The following ARFGEF1 variants were observed in gnomAD, a reference collection of about 807,000 sequenced individuals.
The protein encoded by ARFGEF1 is brefeldin A-inhibited guanine nucleotide-exchange protein 1.
In ARFGEF1, 42 loss-of-function variants were observed where a neutral mutation model predicts 231.0. That is an observed-to-expected ratio of 0.18 (90% CI 0.14 to 0.24). The LOEUF (loss-of-function observed/expected upper bound fraction) is 0.24. ARFGEF1 is among the 10% of genes least tolerant of loss of function. The probability of loss-of-function intolerance (pLI) is 1.00; values close to 1 mark genes in which losing one functional copy is unlikely to be tolerated. For synonymous variants in ARFGEF1, 710 were observed against 732.3 expected (o/e 0.97, Z 0.49); for missense variants, 1,345 against 2,192.0 (o/e 0.61, Z 7.72).
At chr8:67,262,135 G>A (rs1457976998) in intron 14 of ARFGEF1, among the ~76,000 whole-genome samples, 2 of 152,134 alleles carry the variant, frequency 1.3e-5, no homozygotes, top group Non-Finnish European at 2.9e-5. Flanking sequence ...TTCTGGAAAG[G>A]ATTCACTGTT....
In ARFGEF1 at chr8:67,343,233, T is replaced by C; in HGVS notation, c.55A>G (p.Ile19Val). The change falls in exon 1 of 39, where the codon ATA becomes GTA. Residue 19 changes from isoleucine (I) to valine (V), a missense_variant. Around this residue, in one of 14 missense-constraint regions of ARFGEF1, gnomAD observed 398 missense variants for 463.2 expected, o/e 0.86. Coordinates refer to ENST00000262215, the MANE Select transcript of ARFGEF1 (RefSeq NM_006421.5). ...NMFLTRALEK[I>V]LADKEVKKAH... ...TTCTTCACTTCCTTGTCGGCCAATA[T>C]CTTCTCCAGAGCCCGGGTCAGGAAC... 3.1e-6 allele frequency: 5 copies of C among 1,613,568 alleles called. No homozygotes were observed. Among genetic ancestry groups the C allele is most frequent in the Non-Finnish European group, 4.2e-6 (5 of 1,179,734 alleles).
chr8:67,256,353 T>C (rs1335973937), intron 17 of ARFGEF1, among the ~76,000 whole-genome samples: 1 of 152,206 alleles, frequency 6.6e-6, no homozygotes. Flanking sequence ...AGTTGCTCAA[T>C]ATTGTGTTTA....
intron 29 of ARFGEF1, among the ~76,000 whole-genome samples, chr8:67,221,821 C>CTT (rs1554636681): frequency 6.9e-6 from 1 of 144,366 alleles, no homozygotes. Flanking sequence ...TTTTTTCTTT[C>CTT]TTTTTTTTTT....
intron 20 of ARFGEF1, 31 bp from the exon 21 acceptor site, chr8:67,238,924 G>C: frequency 6.3e-7 from 1 of 1,577,994 alleles, no homozygotes; most frequent in Non-Finnish European, 8.7e-7. Context: ...TGTTTACACA[G>C]TTCTAAATAG....
At chr8:67,272,046 T>C in intron 9 of ARFGEF1, 110 bp from the exon 10 acceptor site, 1 of 687,824 alleles carries the variant, frequency 1.5e-6, no homozygotes, top group Non-Finnish European at 2.4e-6. Flanking sequence ...TCATAAACTT[T>C]GTAAATGGAG....
chr8:67,189,058 A>G (rs1835474767), intron 5 of ARFGEF1, among the ~76,000 whole-genome samples: 1 of 152,156 alleles, frequency 6.6e-6, no homozygotes, highest in Non-Finnish European at 1.5e-5. Flanking sequence ...AAGAATGTAA[A>G]TTAAAATGAG....
chr8:67,209,978 C>T (rs1027406872), intron 34 of ARFGEF1, among the ~76,000 whole-genome samples: 31 of 151,728 alleles, frequency 2.0e-4, no homozygotes, highest in Admixed American at 1.8e-3. Flanking sequence ...TGGTGAAACC[C>T]GGTCTCTACT....
intron 18 of ARFGEF1, among the ~76,000 whole-genome samples, chr8:67,252,148 T>G (rs1316308416): frequency 6.6e-6 from 1 of 152,004 alleles, no homozygotes. Flanking sequence ...GGCGCACGCC[T>G]GTAATCCCAG....
At chr8:67,236,361 AAAAAATAT>A (rs1254260417) in intron 22 of ARFGEF1, among the ~76,000 whole-genome samples, 4 of 42,074 alleles carry the variant, frequency 9.5e-5, no homozygotes, top group East Asian at 1.8e-3. Flanking sequence ...AAAAAAAAAA[AAAAAATAT>A]ATATATATAT....
In ARFGEF1 at chr8:67,187,015, A is replaced by AATCT. The variant is rs1554622826; in HGVS notation, c.561-11447_561-11444dup. ...TATCTATCTATCTATCTATCTATCTAATCTATCTATCTAGAACTGCCTGAG... is the reference window on the plus strand; with the variant it reads ...TATCTATCTATCTATCTATCTATCTAATCTATCTATCTATCTAGAACTGCCTGAG... On this transcript the variant is annotated intron_variant, in intron 5 of 5. Transcript: ENST00000518789. 8.3e-3 allele frequency among the ~76,000 whole-genome samples: 1,192 copies of AATCT among 143,080 alleles called. 16 individuals carry two copies. The highest frequency in any genetic ancestry group is 0.029 in the African/African-American group (1,103 of 38,352). The allele number at this position is 143,080 out of a possible 152,430, so 93.9% of individuals were successfully genotyped here. A position where few individuals can be genotyped will look rare whatever the true frequency, so the allele number is the denominator to read the frequency against.
At chr8:67,271,018 C>G (rs1382832597) in intron 10 of ARFGEF1, among the ~76,000 whole-genome samples, 4 of 129,430 alleles carry the variant, frequency 3.1e-5, no homozygotes, top group Non-Finnish European at 6.4e-5. Context: ...GAGGGAAACT[C>G]CATCTCCAAA....
At chr8:67,238,581 C>T in intron 21 of ARFGEF1, 88 bp from the exon 22 acceptor site, 1 of 1,420,786 alleles carries the variant, frequency 7.0e-7, no homozygotes, top group Non-Finnish European at 9.5e-7. Context: ...GACTTAAACA[C>T]AGACTACACT....
chr8:67,266,229 G>C (rs763205552), intron 13 of ARFGEF1, 22 bp from the exon 14 acceptor site: 4 of 1,598,960 alleles, frequency 2.5e-6, no homozygotes, highest in Non-Finnish European at 3.4e-6. Flanking sequence ...AAAATTGATA[G>C]AGTACATTAT....
At chr8:67,194,918 T>TTAA (rs1230530858), downstream of ARFGEF1, among the ~76,000 whole-genome samples, 2 of 152,132 alleles carry the variant, frequency 1.3e-5, no homozygotes, top group South Asian at 2.1e-4. Context: ...CCAAAATAAC[T>TTAA]TAATAATTTC....
At chr8:67,329,113 CT>C (rs1235504047) in intron 1 of ARFGEF1, among the ~76,000 whole-genome samples, 5 of 152,126 alleles carry the variant, frequency 3.3e-5, no homozygotes, top group African/African-American at 9.7e-5. Flanking sequence ...GTAATCCCAG[CT>C]ACCTGGGAGG....
intron 19 of ARFGEF1, among the ~76,000 whole-genome samples, chr8:67,243,575 G>GT (rs1839998528): frequency 6.6e-6 from 1 of 152,312 alleles, no homozygotes; most frequent in African/African-American, 2.4e-5. Flanking sequence ...TTCAAGACTG[G>GT]TAAGGATATA....
intron 17 of ARFGEF1, among the ~76,000 whole-genome samples, chr8:67,257,136 T>C (rs1269088197): frequency 6.6e-6 from 1 of 152,026 alleles, no homozygotes; most frequent in Non-Finnish European, 1.5e-5. Flanking sequence ...TGGAGTGCAG[T>C]GACACGATCT....
rs1838186025 is a variant in ARFGEF1 at position 67,198,385 on chromosome 8, T to G, written c.*549A>C. On this transcript the variant is annotated 3_prime_UTR_variant, in exon 39 of 39. Coordinates refer to ENST00000262215, the MANE Select transcript of ARFGEF1 (RefSeq NM_006421.5). ...ATATAATGTTTTAAGATTTTTATAT[T>G]ACAGACCTGCATCTCTGTACATTTT... The G allele has an allele frequency of 2.0e-6, 2 of 985,308 alleles. No individual in the cohort carries two copies. Among genetic ancestry groups the G allele is most frequent in the Non-Finnish European group, 2.4e-6 (2 of 829,514 alleles). 61.0% of individuals were successfully genotyped at this position (985,308 alleles called of 1,614,324 possible).
intron 5 of ARFGEF1, chr8:67,177,612 TA>T: frequency 9.9e-7 from 1 of 1,011,826 alleles, no homozygotes; most frequent in Non-Finnish European, 1.5e-6. Flanking sequence ...AAAGATATTC[TA>T]AAATTTAATT....
Sources: gnomAD v4.1 joint callset for allele counts (sites outside exome capture counted in the v4.1 genomes callset) on GRCh38, gnomAD v4.1.1 for gene constraint, gnomAD v4.1.1 regional missense constraint, MANE v1.5 for transcripts, NCBI Gene and HGNC (gene_info 2026-07-23, HGNC 2026-07-21) for gene names.